The following TARBP1 variants were observed in gnomAD, a reference collection of about 807,000 sequenced individuals.
The protein encoded by TARBP1 is tRNA guanosine 2 -O-methyltransferase TARBP1.
TARBP1 carries 144 observed loss-of-function variants against 178.6 expected under a neutral mutation model. The ratio of observed to expected loss-of-function variants is 0.81; its 90% CI spans 0.70 to 0.93. The LOEUF (loss-of-function observed/expected upper bound fraction) is 0.93, where lower values mean the gene tolerates loss of function less well. Among genes scored for constraint, TARBP1 ranks in the 40% least tolerant of loss-of-function variants. The probability of loss-of-function intolerance (pLI) is 0.00; values close to 1 mark genes in which losing one functional copy is unlikely to be tolerated. For synonymous variants in TARBP1, 787 were observed against 781.0 expected (o/e 1.01, Z -0.13); for missense variants, 2,067 against 2,011.7 (o/e 1.03, Z -0.53).
chr1:234,427,611 A>C lies in TARBP1; in HGVS notation c.3216T>G (p.Ala1072=). 1 of 1,599,384 alleles carries C rather than the reference A, an allele frequency of 6.3e-7. No individual in the cohort carries two copies. Among genetic ancestry groups the C allele is most frequent in the Non-Finnish European group, 8.5e-7 (1 of 1,176,396 alleles). ...AKNYSELILE[A]CIFGTVFRRD... is the part of the protein sequence containing the mutation. Reference sequence around the variant, plus strand: ...GCCTAAACACAGTTCCAAATATACAAGCCTCAAGGATAAGTTCGCTATAAT... The same window carrying C: ...GCCTAAACACAGTTCCAAATATACACGCCTCAAGGATAAGTTCGCTATAAT... The change falls in exon 18 of 30, where the codon GCT becomes GCG. Residue 1072 remains alanine (A), a synonymous_variant. Coordinates refer to ENST00000040877, the MANE Select transcript of TARBP1 (RefSeq NM_005646.4).
At chr1:234,402,748 T>G (rs556065769) in intron 24 of TARBP1, among the ~76,000 whole-genome samples, 1 of 151,988 alleles carries the variant, frequency 6.6e-6, no homozygotes, top group Non-Finnish European at 1.5e-5. Context: ...CTAACTTTTT[T>G]TTATTATTAT....
At chr1:234,411,390 C>T (rs1381112028) in intron 22 of TARBP1, among the ~76,000 whole-genome samples, 2 of 152,170 alleles carry the variant, frequency 1.3e-5, no homozygotes, top group African/African-American at 4.8e-5. Context: ...ATCAATCCCC[C>T]ATGGATACCA....
chr1:234,393,797 G>A lies in TARBP1; in HGVS notation c.4284C>T (p.Thr1428=), dbSNP rs771778703. 5.3e-5 allele frequency: 85 copies of A among 1,613,422 alleles called. No individual in the cohort carries two copies. The highest frequency in any genetic ancestry group is 6.6e-5 in the Non-Finnish European group (78 of 1,179,808). ...ACGGGATAATCTTCTTCTGAACGTC[G>A]GTCCACTCCGCTTGGTTATCTGCTT... ...LVEADNQAEW[T]DVQKKIIPWN... is the part of the protein sequence containing the mutation. The change falls in exon 27 of 30, where the codon ACC becomes ACT. Residue 1428 remains threonine (T), a synonymous_variant. Transcript: ENST00000040877.
chr1:234,440,392 T>C (rs1191609918), intron 12 of TARBP1, among the ~76,000 whole-genome samples: 1 of 146,188 alleles, frequency 6.8e-6, no homozygotes, highest in Non-Finnish European at 1.5e-5. Context: ...AAAAAATCAA[T>C]GAAACCAAAA....
At chr1:234,473,573 T>C (rs568122581) in intron 1 of TARBP1, among the ~76,000 whole-genome samples, 2 of 152,354 alleles carry the variant, frequency 1.3e-5, no homozygotes, top group Non-Finnish European at 1.5e-5. Context: ...GCCCTCACTA[T>C]GCATCAGACA....
At position 234,391,403 on chromosome 1, in the gene TARBP1, A is replaced by T. The variant is rs1440516363; in HGVS notation, c.*174T>A. ...TACAATTTAACAAAAAGTGTTTATT[A>T]AAGGGGAAAATATATAGTAATATGT... On this transcript the variant is annotated 3_prime_UTR_variant, in exon 30 of 30. Coordinates refer to ENST00000040877, the MANE Select transcript of TARBP1 (RefSeq NM_005646.4). 10 of 475,514 alleles carry T rather than the reference A, an allele frequency of 2.1e-5. No homozygotes were observed. The highest frequency in any genetic ancestry group is 2.9e-5 in the Non-Finnish European group (8 of 279,924). 29.5% of individuals were successfully genotyped at this position (475,514 alleles called of 1,614,324 possible). A position where few individuals can be genotyped will look rare whatever the true frequency, so the allele number is the denominator to read the frequency against.
At position 234,430,110 on chromosome 1, in the gene TARBP1, A is replaced by G. The variant is rs146581550; in HGVS notation, c.2586T>C (p.Tyr862=). ...QKPHAEEQSS[Y]AHPLECSSVL... is the part of the protein sequence containing the mutation. ...ACCTGCTGCACTCCAAGGGGTGAGC[A>G]TAACTGCTCTGCTCCTCTGCGTGGG... The change falls in exon 15 of 30, where the codon TAT becomes TAC. Residue 862 remains tyrosine (Y), a synonymous_variant. Transcript: ENST00000040877. The G allele has an allele frequency of 9.5e-5, 153 of 1,613,618 alleles. No individual in the cohort carries two copies. Among genetic ancestry groups the G allele is most frequent in the Non-Finnish European group, 1.3e-4 (148 of 1,179,662 alleles).
chr1:234,401,400 T>A (rs1445292091), intron 24 of TARBP1, 138 bp from the exon 25 acceptor site: 2 of 611,648 alleles, frequency 3.3e-6, no homozygotes, highest in Non-Finnish European at 5.8e-6. Flanking sequence ...CTAAGATTTA[T>A]ACACACCTCT....
At chr1:234,408,211 T>C (rs1304999031) in intron 23 of TARBP1, among the ~76,000 whole-genome samples, 1 of 152,266 alleles carries the variant, frequency 6.6e-6, no homozygotes, top group Non-Finnish European at 1.5e-5. Context: ...TTTTTTTTTT[T>C]TTTCCTTTTA....
intron 12 of TARBP1, among the ~76,000 whole-genome samples, chr1:234,438,943 G>A (rs1665309213): frequency 1.3e-5 from 2 of 152,148 alleles, no homozygotes; most frequent in Admixed American, 6.5e-5. Context: ...GAGTTCTCAC[G>A]AGAAACCAGA....
In TARBP1 at chr1:234,460,361, T is replaced by C; in HGVS notation, c.1435A>G (p.Ser479Gly). Reference sequence around the variant, plus strand: ...ATGGGAACAGCACACCAATGCCTACTTGTCATCTTCCGAATAAACTTCAAT... The same window carrying C: ...ATGGGAACAGCACACCAATGCCTACCTGTCATCTTCCGAATAAACTTCAAT... ...FLLKFIRKMT[S>G]RHWCAVPILF... Residue 479 changes from serine to glycine, a missense_variant, in exon 7 of 30, where the codon AGT (serine) becomes GGT (glycine). Transcript: ENST00000040877. The C allele has an allele frequency of 6.2e-7, 1 of 1,614,220 alleles. No homozygotes were observed. The highest frequency in any genetic ancestry group is 8.5e-7 in the Non-Finnish European group (1 of 1,180,024).
At chr1:234,398,594 A>T in intron 25 of TARBP1, 41 bp from the exon 26 acceptor site, 1 of 1,405,396 alleles carries the variant, frequency 7.1e-7, no homozygotes, top group Non-Finnish European at 9.6e-7. Context: ...TTCCCTTAAG[A>T]ATAACAAAGA....
At chr1:234,451,147 G>C (rs1666715255) in intron 9 of TARBP1, among the ~76,000 whole-genome samples, 1 of 152,090 alleles carries the variant, frequency 6.6e-6, no homozygotes, top group African/African-American at 2.4e-5. Flanking sequence ...CACTGTCCGA[G>C]GCCTTCTCCA....
chr1:234,437,993 G>A (rs1353156914), intron 12 of TARBP1, among the ~76,000 whole-genome samples: 1 of 152,204 alleles, frequency 6.6e-6, no homozygotes, highest in Non-Finnish European at 1.5e-5. Context: ...TGAATGAACA[G>A]AGTTGCCCAC....
chr1:234,462,013 T>C (rs1667907337), intron 6 of TARBP1, among the ~76,000 whole-genome samples: 1 of 152,212 alleles, frequency 6.6e-6, no homozygotes, highest in African/African-American at 2.4e-5. Context: ...CACTGGAAAC[T>C]GGTGACTGAA....
At chr1:234,478,115 C>T in intron 1 of TARBP1, 58 bp downstream of exon 1, 1 of 1,544,100 alleles carries the variant, frequency 6.5e-7, no homozygotes, top group Non-Finnish European at 8.8e-7. Flanking sequence ...AGCAGGAAGA[C>T]TCCCCTCTGG....
chr1:234,471,546 G>A (rs1490079876), intron 2 of TARBP1, among the ~76,000 whole-genome samples: 1 of 152,178 alleles, frequency 6.6e-6, no homozygotes, highest in Non-Finnish European at 1.5e-5. Flanking sequence ...AGGCAGGTAG[G>A]ACTGCCAATA....
In TARBP1 at chr1:234,393,380, C is replaced by G; in HGVS notation, c.4542G>C (p.Gln1514His). The G allele has an allele frequency of 6.4e-7, 1 of 1,566,344 alleles. No individual in the cohort carries two copies. The highest frequency in any genetic ancestry group is 8.7e-7 in the Non-Finnish European group (1 of 1,154,040). The change falls in exon 28 of 30, where the codon CAG becomes CAC. Residue 1514 changes from glutamine (Q) to histidine (H), a missense_variant. By Grantham distance (24) the Gln-to-His change is conservative. Transcript: ENST00000040877. Reference sequence around the variant, plus strand: ...CACCCACCTCCACTAGAGGAAGCCACTGTTCTGCAGAGACACTGAGGTGCT... The same window carrying G: ...CACCCACCTCCACTAGAGGAAGCCAGTGTTCTGCAGAGACACTGAGGTGCT... ...QFQHLSVSAE[Q>H]WLPLVEVKPP...
chr1:234,416,089 T>G (rs1662385969), intron 22 of TARBP1, among the ~76,000 whole-genome samples: 1 of 152,232 alleles, frequency 6.6e-6, no homozygotes, highest in African/African-American at 2.4e-5. Context: ...CTACTGTGGA[T>G]GGGAGCACCA....
Sources: gnomAD v4.1 joint callset for allele counts (sites outside exome capture counted in the v4.1 genomes callset) on GRCh38, gnomAD v4.1.1 for gene constraint, MANE v1.5 for transcripts, NCBI Gene and HGNC (gene_info 2026-07-23, HGNC 2026-07-21) for gene names.